The following ENTPD7 variants were observed in gnomAD, a reference collection of about 807,000 sequenced individuals.
ENTPD7 encodes the protein NTPDase 7.
Under a neutral mutation model 77.9 loss-of-function variants are expected in ENTPD7, and 53 were observed. The ratio of observed to expected loss-of-function variants is 0.68; its 90% CI spans 0.55 to 0.85. The LOEUF is 0.85. Ranked by LOEUF, ENTPD7 falls within the 40% of genes least tolerant of loss-of-function variation. The pLI, the probability that ENTPD7 is intolerant of heterozygous loss-of-function variation, is 0.00. For missense variants in ENTPD7, 636 were observed against 743.7 expected (o/e 0.86, Z 1.68); for synonymous variants, 248 against 274.9 (o/e 0.90, Z 0.97).
rs2036037986 is a variant in ENTPD7 at position 99,698,626 on chromosome 10, G to C, written c.1103G>C (p.Ser368Thr). 1 of 1,614,088 alleles carries C rather than the reference G, an allele frequency of 6.2e-7. No individual in the cohort carries two copies. The highest frequency in any genetic ancestry group is 8.5e-7 in the Non-Finnish European group (1 of 1,180,046). ...VGLTDVVERN[S>T]QVLHVRGRGD... ...CTCACAGATGTGGTGGAGAGGAACA[G>C]CCAAGTCTTACATGTCCGAGGAAGA... The change falls in exon 10 of 13, where the codon AGC becomes ACC. Residue 368 changes from serine to threonine, a missense_variant. This residue lies in a region of ENTPD7 where 486 missense variants were observed against 556.5 expected (regional missense o/e 0.87). Coordinates refer to ENST00000370489, the MANE Select transcript of ENTPD7 (RefSeq NM_020354.5).
At chr10:99,699,957 T>C (rs1255382834) in intron 10 of ENTPD7, among the ~76,000 whole-genome samples, 4 of 151,948 alleles carry the variant, frequency 2.6e-5, no homozygotes, top group African/African-American at 9.7e-5. Context: ...GTTCTCTTAG[T>C]GTAAGGCTTC....
At chr10:99,683,537 C>T (rs1187074190) in intron 5 of ENTPD7, among the ~76,000 whole-genome samples, 2 of 152,064 alleles carry the variant, frequency 1.3e-5, no homozygotes, top group Non-Finnish European at 2.9e-5. Flanking sequence ...CAGTAAATCC[C>T]CATTTACCCA....
rs1221901523 is a variant in ENTPD7 at position 99,682,206 on chromosome 10, T to TC, written c.548+2331_548+2332insC. On this transcript the variant is annotated intron_variant, in intron 5 of 12. Coordinates refer to ENST00000370489, the MANE Select transcript of ENTPD7 (RefSeq NM_020354.5). ...TTCCTTTGGTCAACAGCAGTTTTTTTTTTTTTTTACAACGTTTAAATTTTA... is the reference window on the plus strand; with the variant it reads ...TTCCTTTGGTCAACAGCAGTTTTTTTCTTTTTTTTACAACGTTTAAATTTTA... Among the ~76,000 whole-genome samples the TC allele has an allele frequency of 3.3e-3, 496 of 151,896 alleles. 3 individuals are homozygous for TC. The highest frequency in any genetic ancestry group is 0.011 in the African/African-American group (474 of 41,464).
chr10:99,682,033 G>A (rs2133464028), intron 5 of ENTPD7, among the ~76,000 whole-genome samples: 1 of 152,116 alleles, frequency 6.6e-6, no homozygotes, highest in South Asian at 2.1e-4. Context: ...TTTTTAGTTT[G>A]ATATAGTCTT....
At chr10:99,667,014 G>T (rs540555874) in intron 3 of ENTPD7, among the ~76,000 whole-genome samples, 1 of 152,302 alleles carries the variant, frequency 6.6e-6, no homozygotes, top group South Asian at 2.1e-4. Flanking sequence ...ATGTATGTGG[G>T]TGGCAGAGTG....
intron 3 of ENTPD7, among the ~76,000 whole-genome samples, chr10:99,667,820 A>G (rs747911870): frequency 2.0e-5 from 3 of 152,216 alleles, no homozygotes; most frequent in Non-Finnish European, 4.4e-5. Context: ...GATAGACTCA[A>G]TAACTCAAAA....
chr10:99,696,015 T>C lies in ENTPD7; in HGVS notation c.903T>C (p.Thr301=). The C allele has an allele frequency of 1.9e-6, 3 of 1,614,208 alleles. No individual in the cohort carries two copies. The highest frequency in any genetic ancestry group is 2.5e-6 in the Non-Finnish European group (3 of 1,180,030). ...EFNLGCDVQH[T]EHVYRVYVTT... ...ACCTGGGCTGTGATGTGCAACACAC[T>C]GAACACGTGTACAGGGTTTATGTCA... is the stretch of plus-strand genomic sequence containing the variant. Residue 301 remains threonine (T), a synonymous_variant, in exon 9 of 13, where the codon ACT becomes ACC. Coordinates refer to ENST00000370489, the MANE Select transcript of ENTPD7 (RefSeq NM_020354.5).
At position 99,697,640 on chromosome 10, in the gene ENTPD7, T is replaced by A. The variant is rs2036012335; in HGVS notation, c.1011-894T>A. 3.8e-5 allele frequency: 6 copies of A among 156,978 alleles called. No individual in the cohort carries two copies. In the Middle Eastern group the frequency reaches 0.01, roughly 262 times the overall value. The allele number at this position is 156,978 out of a possible 1,614,324, so 9.7% of individuals were successfully genotyped here. A position where few individuals can be genotyped will look rare whatever the true frequency, so the allele number is the denominator to read the frequency against. On this transcript the variant is annotated intron_variant, in intron 9 of 12. Transcript: ENST00000370489. ...TTCTCAATAACAATTTTCTGAGTTTTCCTTACAGTTGGTGTCACATCCTTA... is the reference window on the plus strand; with the variant it reads ...TTCTCAATAACAATTTTCTGAGTTTACCTTACAGTTGGTGTCACATCCTTA...
intron 2 of ENTPD7, chr10:99,660,277 GT>G: frequency 9.2e-6 from 9 of 982,824 alleles, no homozygotes; most frequent in Non-Finnish European, 1.1e-5. Flanking sequence ...AAACAAAGAA[GT>G]TTTTTTGTTT....
chr10:99,683,115 C>CT (rs763722148), intron 5 of ENTPD7, among the ~76,000 whole-genome samples: 116 of 148,874 alleles, frequency 7.8e-4, no homozygotes, highest in African/African-American at 2.4e-3. Context: ...AGAAATTTGC[C>CT]TTTTTTTTTT....
intron 10 of ENTPD7, among the ~76,000 whole-genome samples, chr10:99,699,517 C>A (rs191327493): frequency 6.6e-6 from 1 of 152,144 alleles, no homozygotes; most frequent in South Asian, 2.1e-4. Context: ...TGAATTGTTG[C>A]GTGTCTCTAT....
chr10:99,672,824 A>C (rs891602004), intron 3 of ENTPD7, among the ~76,000 whole-genome samples: 1 of 152,186 alleles, frequency 6.6e-6, no homozygotes, highest in Non-Finnish European at 1.5e-5. Context: ...CATTCAGCAA[A>C]GAATTAGTAG....
chr10:99,686,782 T>C (rs2133471014), intron 6 of ENTPD7, among the ~76,000 whole-genome samples: 1 of 152,184 alleles, frequency 6.6e-6, no homozygotes, highest in African/African-American at 2.4e-5. Flanking sequence ...CAAGTATTTT[T>C]ATATTCCATC....
At chr10:99,685,314 A>G (rs924017314) in intron 5 of ENTPD7, among the ~76,000 whole-genome samples, 6 of 152,250 alleles carry the variant, frequency 3.9e-5, no homozygotes, top group South Asian at 4.1e-4. Context: ...TGTGGAACCA[A>G]CAGTACATCT....
chr10:99,679,235 C>T, intron 3 of ENTPD7, 26 bp from the exon 4 acceptor site: 1 of 1,612,784 alleles, frequency 6.2e-7, no homozygotes, highest in African/African-American at 1.3e-5. Flanking sequence ...CTGCTTAGCA[C>T]TGATTTCTCT....
intron 7 of ENTPD7, among the ~76,000 whole-genome samples, chr10:99,689,023 C>G (rs1219263276): frequency 6.6e-6 from 1 of 151,990 alleles, no homozygotes; most frequent in Non-Finnish European, 1.5e-5. Flanking sequence ...ATTTCTCCCC[C>G]ATATCCCCCC....
rs1049006759 is a variant in ENTPD7, at chr10:99,710,495, AGTT to A, written c.*5816_*5818del. On this transcript the variant is annotated 3_prime_UTR_variant, in exon 13 of 13. Transcript: ENST00000370489. ...CTGCCTGTATTACATTGCTTTGGGG[AGTT>A]GTTAAGACTCTGTTTTTTCTACTGC... 1.9e-5 allele frequency: 19 copies of A among 985,220 alleles called. No individual in the cohort carries two copies. In the African/African-American group the frequency reaches 2.8e-4, roughly 15 times the overall value. The allele number at this position is 985,220 out of a possible 1,614,324, so 61.0% of individuals were successfully genotyped here. A position where few individuals can be genotyped will look rare whatever the true frequency, so the allele number is the denominator to read the frequency against.
intron 8 of ENTPD7, among the ~76,000 whole-genome samples, chr10:99,693,506 G>A (rs1339852380): frequency 6.6e-6 from 1 of 152,168 alleles, no homozygotes; most frequent in African/African-American, 2.4e-5. Flanking sequence ...GTGACAAGCG[G>A]GACTGGGGCT....
chr10:99,687,703 G>C (rs1428027351), intron 6 of ENTPD7, among the ~76,000 whole-genome samples: 1 of 152,206 alleles, frequency 6.6e-6, no homozygotes, highest in Non-Finnish European at 1.5e-5. Context: ...TTTAGGGTCA[G>C]ATCCATGTAT....
Sources: allele counts gnomAD v4.1 joint callset (sites outside exome capture counted in the v4.1 genomes callset), GRCh38; gene constraint gnomAD v4.1.1; regional missense constraint gnomAD v4.1.1; transcripts MANE v1.5; gene names NCBI Gene and HGNC (gene_info 2026-07-23, HGNC 2026-07-21).